DENND2B: variants seen among roughly 807,000 people sequenced by gnomAD.
The protein encoded by DENND2B is DENN domain-containing protein 2B.
In DENND2B, 32 loss-of-function variants were observed where a neutral mutation model predicts 116.0. The observed-to-expected ratio is 0.28, with a 90% CI of 0.21 to 0.37. DENND2B has a LOEUF of 0.37. Ranked by LOEUF, DENND2B falls within the 10% of genes least tolerant of loss-of-function variation. The pLI, the probability that DENND2B is intolerant of heterozygous loss-of-function variation, is 1.00. For missense variants in DENND2B, 1,276 were observed against 1,477.7 expected, an observed-to-expected ratio of 0.86 and a Z score of 2.24; for synonymous variants, 588 against 583.9, an observed-to-expected ratio of 1.01 and a Z score of -0.10.
chr11:8,815,123 C>T (rs2061523635), upstream of DENND2B, among the ~76,000 whole-genome samples: 1 of 152,106 alleles, frequency 6.6e-6, no homozygotes, highest in African/African-American at 2.4e-5. Context: ...AGGAATGGCC[C>T]AGCTCCCACG....
intron 3 of DENND2B, among the ~76,000 whole-genome samples, chr11:8,842,201 A>G (rs1265260589): frequency 1.3e-5 from 2 of 152,154 alleles, no homozygotes; most frequent in Non-Finnish European, 2.9e-5. Context: ...GTCCTCCCAA[A>G]AAAGATAGGC....
chr11:8,835,263 T>C (rs1172562019), intron 4 of DENND2B, among the ~76,000 whole-genome samples: 1 of 152,056 alleles, frequency 6.6e-6, no homozygotes, highest in Non-Finnish European at 1.5e-5. Flanking sequence ...AAATAAATAA[T>C]AATTTTTACG....
upstream of DENND2B, among the ~76,000 whole-genome samples, chr11:8,875,977 A>G (rs2063836921): frequency 7.6e-6 from 1 of 132,408 alleles, no homozygotes; most frequent in African/African-American, 2.8e-5. Context: ...TCAACACTTT[A>G]TTATTTTATT....
chr11:8,722,365 T>C (rs1320792695), intron 4 of DENND2B, among the ~76,000 whole-genome samples: 1 of 152,220 alleles, frequency 6.6e-6, no homozygotes, highest in Non-Finnish European at 1.5e-5. Flanking sequence ...CTAGGCTCTC[T>C]GCCTCCCAAC....
intron 9 of DENND2B, among the ~76,000 whole-genome samples, chr11:8,711,536 G>C (rs2043684429): frequency 6.6e-6 from 1 of 152,068 alleles, no homozygotes; most frequent in Admixed American, 6.5e-5. Context: ...GAGTGAGATG[G>C]TCAACCACAA....
At chr11:8,876,437 C>G (rs551774926) in intron 2 of DENND2B, among the ~76,000 whole-genome samples, 4 of 151,998 alleles carry the variant, frequency 2.6e-5, no homozygotes, top group African/African-American at 9.6e-5. Flanking sequence ...CCTTTTGTTC[C>G]CTCCCTACTA....
intron 4 of DENND2B, among the ~76,000 whole-genome samples, chr11:8,832,323 A>C (rs1305910583): frequency 6.6e-6 from 1 of 152,098 alleles, no homozygotes; most frequent in Non-Finnish European, 1.5e-5. Flanking sequence ...ATGGTGGTGC[A>C]CACTTGTAGT....
chr11:8,697,367 A>C (rs1415352780), intron 17 of DENND2B, among the ~76,000 whole-genome samples, 158 bp downstream of exon 17: 1 of 152,258 alleles, frequency 6.6e-6, no homozygotes, highest in African/African-American at 2.4e-5. Context: ...TTTCCTTCCT[A>C]AACTACCTGG....
chr11:8,717,431 G>A (rs1190530877), intron 5 of DENND2B, among the ~76,000 whole-genome samples: 1 of 152,206 alleles, frequency 6.6e-6, no homozygotes, highest in Non-Finnish European at 1.5e-5. Context: ...AAGGGCTCCT[G>A]GCTGAGTTTT....
intron 2 of DENND2B, among the ~76,000 whole-genome samples, chr11:8,869,888 T>A (rs1566071796): frequency 6.6e-6 from 1 of 152,044 alleles, no homozygotes. Flanking sequence ...ATTAGCTTTC[T>A]GGACCCCAGA....
At chr11:8,836,069 CG>C (rs1053053117) in intron 4 of DENND2B, among the ~76,000 whole-genome samples, 5 of 151,566 alleles carry the variant, frequency 3.3e-5, no homozygotes, top group Admixed American at 1.3e-4. Context: ...AATATAGGGC[CG>C]GGGATGGTGA....
chr11:8,741,195 A>G (rs1373549416), intron 2 of DENND2B, among the ~76,000 whole-genome samples: 1 of 152,218 alleles, frequency 6.6e-6, no homozygotes, highest in Non-Finnish European at 1.5e-5. Flanking sequence ...CGTGAAAGGT[A>G]GTGAGAGTCA....
chr11:8,863,480 G>C (rs1033717960), intron 2 of DENND2B, among the ~76,000 whole-genome samples: 9 of 151,842 alleles, frequency 5.9e-5, no homozygotes, highest in Non-Finnish European at 1.0e-4. Context: ...AGATCCGCTC[G>C]CCTCGGCCTC....
intron 1 of DENND2B, among the ~76,000 whole-genome samples, chr11:8,778,275 C>G (rs538907273): frequency 6.6e-6 from 1 of 152,366 alleles, no homozygotes; most frequent in East Asian, 1.9e-4. Context: ...GGCATCCAGA[C>G]AGTATCACTT....
intron 1 of DENND2B, chr11:8,808,368 G>A (rs867577636): frequency 5.9e-5 from 9 of 152,154 alleles, no homozygotes; most frequent in African/African-American, 1.4e-4. Flanking sequence ...GAAAAGCGAC[G>A]GGTCTTTTGG....
At chr11:8,832,344 C>T (rs531074632) in intron 4 of DENND2B, among the ~76,000 whole-genome samples, 37 of 150,912 alleles carry the variant, frequency 2.5e-4, no homozygotes, top group African/African-American at 9.0e-4. Flanking sequence ...CCCAGCTACT[C>T]GGGAGGTTGA....
At chr11:8,697,996 A>T in intron 16 of DENND2B, 1 of 431,362 alleles carries the variant, frequency 2.3e-6, no homozygotes, top group Non-Finnish European at 4.6e-6. Flanking sequence ...ACAATTAGTC[A>T]AGTATGGTGG....
chr11:8,724,092 G>A (rs143945209), intron 4 of DENND2B, among the ~76,000 whole-genome samples: 4,300 of 152,188 alleles, frequency 0.028, 202 homozygotes, highest in East Asian at 0.12. Flanking sequence ...CCAGGAGATC[G>A]AGACCATCCT....
At chr11:8,706,682 A>G (rs77786559) in intron 13 of DENND2B, among the ~76,000 whole-genome samples, 4,402 of 152,228 alleles carry the variant, frequency 0.029, 92 homozygotes, top group Non-Finnish European at 0.045. Flanking sequence ...TTATCTATTT[A>G]TATGTAAAAG....
Sources: gnomAD v4.1 joint callset for allele counts (sites outside exome capture counted in the v4.1 genomes callset) on GRCh38, gnomAD v4.1.1 for gene constraint, MANE v1.5 for transcripts, NCBI Gene and HGNC (gene_info 2026-07-23, HGNC 2026-07-21) for gene names.